KIAA1217: variants seen among roughly 807,000 people sequenced by gnomAD.
KIAA1217 encodes KIAA1217.
Under a neutral mutation model 163.9 loss-of-function variants are expected in KIAA1217, and 88 were observed. The observed-to-expected ratio is 0.54, with a 90% CI of 0.45 to 0.64. KIAA1217 has a LOEUF of 0.64. KIAA1217 is among the 30% of genes least tolerant of loss of function. The pLI is 0.00. For synonymous variants in KIAA1217, 903 were observed against 923.1 expected (o/e 0.98, Z 0.39); for missense variants, 2,372 against 2,475.0 (o/e 0.96, Z 0.88).
intron 2 of KIAA1217, among the ~76,000 whole-genome samples, chr10:24,018,980 A>G (rs952941642): frequency 6.6e-6 from 1 of 152,150 alleles, no homozygotes; most frequent in African/African-American, 2.4e-5. Flanking sequence ...GCTCTCAATT[A>G]TGTGAAATCT....
At chr10:24,239,666 T>A (rs1417929594) in intron 2 of KIAA1217, among the ~76,000 whole-genome samples, 1 of 149,288 alleles carries the variant, frequency 6.7e-6, no homozygotes, top group Non-Finnish European at 1.5e-5. Flanking sequence ...TTCTTATTTA[T>A]TCCCAGATGT....
intron 2 of KIAA1217, among the ~76,000 whole-genome samples, chr10:24,112,721 A>G (rs1406381326): frequency 6.6e-6 from 1 of 152,014 alleles, no homozygotes; most frequent in Non-Finnish European, 1.5e-5. Flanking sequence ...AGTAGCTGGG[A>G]CTACAGGCGC....
intron 3 of KIAA1217, among the ~76,000 whole-genome samples, chr10:24,398,399 G>A (rs957804806): frequency 3.9e-5 from 6 of 152,114 alleles, no homozygotes; most frequent in Non-Finnish European, 7.4e-5. Context: ...TGTTAAGAAT[G>A]GCAAATATCC....
chr10:24,149,613 A>C (rs1049276465), intron 2 of KIAA1217, among the ~76,000 whole-genome samples: 8 of 152,192 alleles, frequency 5.3e-5, no homozygotes, highest in Non-Finnish European at 1.0e-4. Flanking sequence ...AAATAAAACT[A>C]AAAATGGGAG....
At chr10:24,253,593 GT>G (rs1260208404) in intron 2 of KIAA1217, among the ~76,000 whole-genome samples, 1 of 152,148 alleles carries the variant, frequency 6.6e-6, no homozygotes, top group Non-Finnish European at 1.5e-5. Context: ...TTAGCCCAGT[GT>G]GTAGGCATGT....
intron 2 of KIAA1217, among the ~76,000 whole-genome samples, chr10:24,055,344 T>G (rs950230421): frequency 2.0e-5 from 3 of 152,200 alleles, no homozygotes; most frequent in Non-Finnish European, 2.9e-5. Context: ...GTCTATAATG[T>G]CTTGTTTAAT....
chr10:24,533,002 G>A (rs1288525747), intron 15 of KIAA1217, 68 bp from the exon 16 acceptor site: 34 of 1,456,188 alleles, frequency 2.3e-5, no homozygotes, highest in East Asian at 4.7e-5. Context: ...GGGACCATAC[G>A]ATCTGTCCCT....
intron 2 of KIAA1217, among the ~76,000 whole-genome samples, chr10:24,199,298 A>T (rs1396688085): frequency 6.6e-6 from 1 of 152,232 alleles, no homozygotes; most frequent in African/African-American, 2.4e-5. Context: ...ACTATACAGG[A>T]TGTAAGAAAA....
chr10:24,452,639 A>ATG (rs1355441910), intron 5 of KIAA1217, among the ~76,000 whole-genome samples: 1 of 148,618 alleles, frequency 6.7e-6, no homozygotes, highest in Non-Finnish European at 1.5e-5. Context: ...CCGAGATCGC[A>ATG]CCACTGCACT....
chr10:23,732,982 C>T (rs1264021957), intron 1 of KIAA1217, among the ~76,000 whole-genome samples: 1 of 151,828 alleles, frequency 6.6e-6, no homozygotes, highest in Non-Finnish European at 1.5e-5. Flanking sequence ...ATTTATATCA[C>T]TTCTCACTAT....
intron 1 of KIAA1217, among the ~76,000 whole-genome samples, chr10:23,771,235 G>T (rs1333789450): frequency 6.6e-6 from 1 of 152,168 alleles, no homozygotes; most frequent in Non-Finnish European, 1.5e-5. Context: ...TAGAGTCTCT[G>T]CAGTGAATAT....
intron 2 of KIAA1217, among the ~76,000 whole-genome samples, chr10:24,316,314 C>A (rs1200378463): frequency 3.3e-5 from 5 of 152,172 alleles, no homozygotes; most frequent in African/African-American, 1.2e-4. Context: ...TGTTATCTAA[C>A]TGTCCTGTCC....
Position 24,257,414 on chromosome 10 carries a change from G to A in KIAA1217, c.354+37505G>A, listed in dbSNP as rs997998295. On this transcript the variant is annotated intron_variant, in intron 2 of 20. Transcript: ENST00000376454. ...CACGTGTTCACCAGACATCTGTGGG[G>A]AGCCCGGATGAGATGTGGGGCCCTT... is the stretch of plus-strand genomic sequence containing the variant. Among the ~76,000 whole-genome samples the A allele has an allele frequency of 2.6e-5, 4 of 152,262 alleles. No individual in the cohort carries two copies. The South Asian group carries it at 6.2e-4, about 24-fold the overall frequency.
intron 10 of KIAA1217, among the ~76,000 whole-genome samples, chr10:24,517,193 A>T (rs2070328900): frequency 6.6e-6 from 1 of 151,730 alleles, no homozygotes; most frequent in African/African-American, 2.4e-5. Flanking sequence ...AAAAAACTAA[A>T]AATATCTATA....
At chr10:24,126,989 C>G (rs769013146) in intron 2 of KIAA1217, among the ~76,000 whole-genome samples, 1 of 152,034 alleles carries the variant, frequency 6.6e-6, no homozygotes, top group Non-Finnish European at 1.5e-5. Flanking sequence ...TCTCTTTTTG[C>G]AAGTCCAATA....
intron 5 of KIAA1217, among the ~76,000 whole-genome samples, chr10:24,456,332 C>A (rs971674280): frequency 4.6e-5 from 7 of 152,186 alleles, no homozygotes; most frequent in Non-Finnish European, 8.8e-5. Context: ...TGAATACATT[C>A]AAGTGAGTAT....
chr10:23,726,406 G>A (rs184182338), intron 1 of KIAA1217, among the ~76,000 whole-genome samples: 93 of 150,784 alleles, frequency 6.2e-4, no homozygotes, highest in Non-Finnish European at 1.2e-3. Flanking sequence ...TTTAGGGTAC[G>A]ATGGATTAAA....
At chr10:24,515,415 A>G (rs1444983756) in intron 10 of KIAA1217, among the ~76,000 whole-genome samples, 1 of 152,198 alleles carries the variant, frequency 6.6e-6, no homozygotes, top group Non-Finnish European at 1.5e-5. Context: ...TAGCTGAGAT[A>G]ATTCTCACTT....
chr10:23,917,244 G>A (rs1247709104), intron 1 of KIAA1217, among the ~76,000 whole-genome samples: 2 of 152,158 alleles, frequency 1.3e-5, no homozygotes, highest in African/African-American at 4.8e-5. Context: ...CCTCCACTGA[G>A]TCCATATTCA....
Sources: gnomAD v4.1 joint callset for allele counts (sites outside exome capture counted in the v4.1 genomes callset) on GRCh38, gnomAD v4.1.1 for gene constraint, MANE v1.5 for transcripts, NCBI Gene and HGNC (gene_info 2026-07-23, HGNC 2026-07-21) for gene names.